PPP1R12A: variants seen among roughly 807,000 people sequenced by gnomAD.
PPP1R12A encodes the protein myosin binding subunit.
Under a neutral mutation model 139.6 loss-of-function variants are expected in PPP1R12A, and 19 were observed. The observed-to-expected ratio is 0.14, with a 90% CI of 0.09 to 0.20. The LOEUF (loss-of-function observed/expected upper bound fraction) is 0.20, where lower values mean the gene tolerates loss of function less well. PPP1R12A is among the 10% of genes least tolerant of loss of function. The pLI is 1.00. For synonymous variants in PPP1R12A, 427 were observed against 420.6 expected (o/e 1.02, Z -0.19); for missense variants, 925 against 1,211.5 (o/e 0.76, Z 3.51).
intron 1 of PPP1R12A, among the ~76,000 whole-genome samples, chr12:79,914,424 T>C (rs544307385): frequency 6.6e-6 from 1 of 152,198 alleles, no homozygotes; most frequent in South Asian, 2.1e-4. Context: ...TTGGCTAGTG[T>C]GTCCTTGATT....
At chr12:79,872,189 TTAC>T (rs1489993848) in intron 2 of PPP1R12A, among the ~76,000 whole-genome samples, 1 of 152,140 alleles carries the variant, frequency 6.6e-6, no homozygotes, top group Non-Finnish European at 1.5e-5. Flanking sequence ...ACAAAACTGT[TTAC>T]TGTGTGGATA....
chr12:79,801,172 C>T (rs1431685176), intron 14 of PPP1R12A, among the ~76,000 whole-genome samples: 2 of 150,352 alleles, frequency 1.3e-5, no homozygotes, highest in Non-Finnish European at 3.0e-5. Flanking sequence ...ATGGAGAAAC[C>T]CCATCTCTAT....
At chr12:79,809,654 A>C in intron 10 of PPP1R12A, 141 bp downstream of exon 10, 1 of 646,492 alleles carries the variant, frequency 1.5e-6, no homozygotes, top group Non-Finnish European at 2.6e-6. Flanking sequence ...TATAAATTAC[A>C]TTTGTCTTAT....
chr12:79,836,541 A>G (rs1878107440), intron 3 of PPP1R12A, among the ~76,000 whole-genome samples: 1 of 152,028 alleles, frequency 6.6e-6, no homozygotes, highest in Non-Finnish European at 1.5e-5. Context: ...TCGTGCTCAC[A>G]TCTGATTCAC....
At chr12:79,904,140 G>A (rs1262646129) in intron 1 of PPP1R12A, among the ~76,000 whole-genome samples, 1 of 151,812 alleles carries the variant, frequency 6.6e-6, no homozygotes, top group African/African-American at 2.4e-5. Flanking sequence ...GCTTGAACCC[G>A]GGAGGTGGAG....
intron 3 of PPP1R12A, among the ~76,000 whole-genome samples, chr12:79,843,794 C>T (rs2137204602): frequency 6.6e-6 from 1 of 151,522 alleles, no homozygotes; most frequent in Non-Finnish European, 1.5e-5. Flanking sequence ...ACCTCCGCCT[C>T]CCGGGTTCAA....
chr12:79,781,874 T>C lies in PPP1R12A; in HGVS notation c.2908-12A>G, dbSNP rs1437669042. The C allele has an allele frequency of 5.9e-6, 9 of 1,521,350 alleles. No homozygotes were observed. The Admixed American group carries it at 8.1e-5, about 14-fold the overall frequency. The allele number at this position is 1,521,350 out of a possible 1,614,324, so 94.2% of individuals were successfully genotyped here. A position where few individuals can be genotyped will look rare whatever the true frequency, so the allele number is the denominator to read the frequency against. ...AATCTTTCTTGTCTCTGCAACAAAGTAAGAAATTATAAAAGAGATAAGTGC... is the reference window on the plus strand; with the variant it reads ...AATCTTTCTTGTCTCTGCAACAAAGCAAGAAATTATAAAAGAGATAAGTGC... On this transcript the variant is annotated splice_polypyrimidine_tract_variant and intron_variant, in intron 22 of 24. Coordinates refer to ENST00000450142, the MANE Select transcript of PPP1R12A (RefSeq NM_002480.3).
At chr12:79,893,494 A>G (rs1291263622) in intron 1 of PPP1R12A, among the ~76,000 whole-genome samples, 1 of 152,218 alleles carries the variant, frequency 6.6e-6, no homozygotes, top group Admixed American at 6.5e-5. Flanking sequence ...TATGTACAGT[A>G]TCTAGAACAC....
chr12:79,884,984 GT>G (rs573171003), intron 1 of PPP1R12A, among the ~76,000 whole-genome samples: 113 of 152,232 alleles, frequency 7.4e-4, no homozygotes, highest in Non-Finnish European at 1.4e-3. Context: ...CTTGAGATGT[GT>G]AGCTTGAAAA....
chr12:79,914,856 T>C (rs1886865123), intron 1 of PPP1R12A, among the ~76,000 whole-genome samples: 1 of 151,252 alleles, frequency 6.6e-6, no homozygotes, highest in Non-Finnish European at 1.5e-5. Flanking sequence ...TCTGGTTTTC[T>C]ATTAAAAAAA....
chr12:79,779,393 A>T, intron 23 of PPP1R12A: 1 of 1,255,080 alleles, frequency 8.0e-7, no homozygotes, highest in Non-Finnish European at 1.0e-6. Context: ...AATCACACTG[A>T]AACTATTTCC....
intron 1 of PPP1R12A, among the ~76,000 whole-genome samples, chr12:79,893,484 T>C (rs1333871821): frequency 6.6e-6 from 1 of 152,156 alleles, no homozygotes; most frequent in African/African-American, 2.4e-5. Flanking sequence ...GTTGTTACTA[T>C]ATGTACAGTA....
At chr12:79,867,742 G>T (rs897924009) in intron 2 of PPP1R12A, among the ~76,000 whole-genome samples, 1 of 152,172 alleles carries the variant, frequency 6.6e-6, no homozygotes, top group Non-Finnish European at 1.5e-5. Context: ...CCCAGAGGGA[G>T]GTAATTGAAT....
intron 3 of PPP1R12A, among the ~76,000 whole-genome samples, chr12:79,842,575 T>TG (rs1335113900): frequency 2.8e-5 from 4 of 143,836 alleles, no homozygotes; most frequent in African/African-American, 1.0e-4. Flanking sequence ...ATGTGGCACT[T>TG]TGTGTGTGTG....
chr12:79,923,651 T>C (rs955879988), intron 1 of PPP1R12A, among the ~76,000 whole-genome samples: 7 of 152,232 alleles, frequency 4.6e-5, no homozygotes, highest in African/African-American at 1.7e-4. Flanking sequence ...TCTTTAGTGT[T>C]TTAATTAAAT....
chr12:79,830,460 T>C (rs983174870), intron 4 of PPP1R12A, among the ~76,000 whole-genome samples: 9 of 152,194 alleles, frequency 5.9e-5, no homozygotes, highest in Admixed American at 4.6e-4. Context: ...TGCTAGCACG[T>C]ATCTTACTTC....
intron 2 of PPP1R12A, among the ~76,000 whole-genome samples, chr12:79,848,490 A>G (rs1219601181): frequency 1.3e-5 from 2 of 152,164 alleles, no homozygotes; most frequent in Non-Finnish European, 2.9e-5. Flanking sequence ...GCAGAGTTTC[A>G]AGGAAATACC....
intron 1 of PPP1R12A, among the ~76,000 whole-genome samples, chr12:79,929,076 G>C (rs996225928): frequency 3.3e-5 from 5 of 152,216 alleles, no homozygotes; most frequent in African/African-American, 1.2e-4. Context: ...GGGTTGGGGA[G>C]TGGGGCCGGA....
chr12:79,828,217 T>C, intron 5 of PPP1R12A, 103 bp downstream of exon 5: 1 of 952,910 alleles, frequency 1.0e-6, no homozygotes, highest in African/African-American at 1.7e-5. Context: ...AATATAATTA[T>C]ATAATGTAAT....
Sources: allele counts gnomAD v4.1 joint callset (sites outside exome capture counted in the v4.1 genomes callset), GRCh38; gene constraint gnomAD v4.1.1; transcripts MANE v1.5; gene names NCBI Gene and HGNC (gene_info 2026-07-23, HGNC 2026-07-21).